Variants in OCIAD1 observed in about 807,000 individuals in gnomAD.
OCIAD1 encodes the protein OCIA domain containing 1.
Under a neutral mutation model 38.9 loss-of-function variants are expected in OCIAD1, and 29 were observed. The ratio of observed to expected loss-of-function variants is 0.74; its 90% confidence interval spans 0.55 to 1.02. OCIAD1 has a LOEUF of 1.02. Ranked by LOEUF, OCIAD1 falls within the 50% of genes least tolerant of loss-of-function variation. The pLI is 0.00. For missense variants in OCIAD1, 288 were observed against 289.6 expected (o/e 0.99, Z 0.04); for synonymous variants, 110 against 92.0 (o/e 1.20, Z -1.12).
At chr4:48,824,814 C>T (rs1342436367) in intron 1 of OCIAD1, among the ~76,000 whole-genome samples, 4 of 152,148 alleles carry the variant, frequency 2.6e-5, no homozygotes, top group Admixed American at 6.5e-5. Context: ...TAGCTTGCTG[C>T]AGCCTTGATC....
intron 3 of OCIAD1, among the ~76,000 whole-genome samples, chr4:48,838,299 CAG>C (rs1307921983): frequency 6.9e-6 from 1 of 144,244 alleles, no homozygotes; most frequent in East Asian, 2.0e-4. Flanking sequence ...GCCTGGGCGA[CAG>C]AGCGAGACTC....
intron 1 of OCIAD1, among the ~76,000 whole-genome samples, chr4:48,814,850 T>G (rs1488675634): frequency 2.0e-5 from 3 of 152,200 alleles, no homozygotes; most frequent in African/African-American, 7.2e-5. Context: ...TATTAATAGA[T>G]TCTTCTTAGG....
intron 7 of OCIAD1, among the ~76,000 whole-genome samples, chr4:48,855,309 T>C (rs1779925222): frequency 1.3e-5 from 2 of 152,132 alleles, no homozygotes; most frequent in Non-Finnish European, 2.9e-5. Context: ...ACATATATGG[T>C]GAAGGGAAAT....
chr4:48,859,253 A>G (rs1780387784), intron 8 of OCIAD1, among the ~76,000 whole-genome samples: 1 of 152,092 alleles, frequency 6.6e-6, no homozygotes, highest in African/African-American at 2.4e-5. Context: ...TGAATTAGGG[A>G]TGTACCATAC....
At chr4:48,843,676 T>A (rs1002542285) in intron 4 of OCIAD1, among the ~76,000 whole-genome samples, 1 of 152,158 alleles carries the variant, frequency 6.6e-6, no homozygotes. Flanking sequence ...GACTAAGCTG[T>A]TTTATAGACT....
chr4:48,812,173 C>T (rs761860050), intron 1 of OCIAD1, among the ~76,000 whole-genome samples: 19 of 147,776 alleles, frequency 1.3e-4, no homozygotes, highest in Non-Finnish European at 2.4e-4. Context: ...TTCCCAGCTA[C>T]TTGGGAGGCT....
intron 8 of OCIAD1, 51 bp downstream of exon 8, chr4:48,857,416 A>G (rs747439173): frequency 8.3e-7 from 1 of 1,200,990 alleles, no homozygotes; most frequent in Non-Finnish European, 1.1e-6. Context: ...GGAAACTAAA[A>G]CATTACTTTA....
At chr4:48,835,079 G>A (rs555849519) in intron 3 of OCIAD1, among the ~76,000 whole-genome samples, 2 of 152,026 alleles carry the variant, frequency 1.3e-5, no homozygotes, top group African/African-American at 2.4e-5. Flanking sequence ...GACTACAGGC[G>A]TGCGCCACCA....
intron 6 of OCIAD1, 34 bp from the exon 7 acceptor site, chr4:48,851,772 A>C: frequency 7.8e-7 from 1 of 1,280,806 alleles, no homozygotes; most frequent in Non-Finnish European, 1.1e-6. Flanking sequence ...GCAATGACTC[A>C]TATTTCTTAC....
chr4:48,843,808 G>T (rs142254708), intron 4 of OCIAD1, among the ~76,000 whole-genome samples: 3 of 152,146 alleles, frequency 2.0e-5, no homozygotes, highest in African/African-American at 4.8e-5. Flanking sequence ...GTTTATTATT[G>T]TTCTGCTTCT....
At chr4:48,834,851 A>G (rs1324144300) in intron 3 of OCIAD1, among the ~76,000 whole-genome samples, 2 of 152,220 alleles carry the variant, frequency 1.3e-5, no homozygotes, top group Non-Finnish European at 2.9e-5. Flanking sequence ...CCTGATATGT[A>G]TGCTTAAAAT....
At chr4:48,814,719 C>G (rs1464536278) in intron 1 of OCIAD1, among the ~76,000 whole-genome samples, 3 of 152,056 alleles carry the variant, frequency 2.0e-5, no homozygotes, top group African/African-American at 7.2e-5. Flanking sequence ...TTCCAAACTC[C>G]TTTCTAGTAC....
chr4:48,832,730 G>A (rs771230903), intron 2 of OCIAD1, 48 bp downstream of exon 2: 1 of 1,422,942 alleles, frequency 7.0e-7, no homozygotes, highest in East Asian at 2.3e-5. Context: ...CCTATGTAAA[G>A]GAATTTTCAC....
At chr4:48,814,239 GT>G (rs530042723) in intron 1 of OCIAD1, among the ~76,000 whole-genome samples, 2,824 of 139,054 alleles carry the variant, frequency 0.02, 55 homozygotes, top group African/African-American at 0.055. Flanking sequence ...CTGTGGAGGG[GT>G]TTTTTTTTTT....
At chr4:48,819,470 C>T (rs764345795) in intron 1 of OCIAD1, among the ~76,000 whole-genome samples, 6 of 152,032 alleles carry the variant, frequency 3.9e-5, no homozygotes, top group Non-Finnish European at 5.9e-5. Flanking sequence ...ACCAATGACA[C>T]TATGAAGAAA....
intron 1 of OCIAD1, among the ~76,000 whole-genome samples, chr4:48,812,945 T>C (rs1344565896): frequency 6.6e-6 from 1 of 152,186 alleles, no homozygotes; most frequent in Non-Finnish European, 1.5e-5. Context: ...AGTAGGTGAA[T>C]ACCTTGAGTA....
rs115616252 is a variant in OCIAD1 at position 48,860,999 on chromosome 4, G to C, written c.*237G>C. 2,145 of 433,640 alleles carry C rather than the reference G, an allele frequency of 4.9e-3. 14 individuals are homozygous for C. Among genetic ancestry groups the C allele is most frequent in the Non-Finnish European group, 6.7e-3 (1,639 of 245,226 alleles). 26.9% of individuals were successfully genotyped at this position (433,640 alleles called of 1,614,324 possible). A position where few individuals can be genotyped will look rare whatever the true frequency, so the allele number is the denominator to read the frequency against. On this transcript the variant is annotated 3_prime_UTR_variant, in exon 9 of 9. Coordinates refer to ENST00000264312, the MANE Select transcript of OCIAD1 (RefSeq NM_017830.4). ...TGAATGATGGTATTATACCATGATT[G>C]TATACAGTTTGTGAAATTGTTGCAA...
At chr4:48,857,666 C>T (rs1323877495) in intron 8 of OCIAD1, among the ~76,000 whole-genome samples, 2 of 151,740 alleles carry the variant, frequency 1.3e-5, no homozygotes, top group Admixed American at 6.6e-5. Context: ...ACTACAGGCC[C>T]CCACGCCCAG....
At chr4:48,822,388 A>G (rs547564537) in intron 1 of OCIAD1, among the ~76,000 whole-genome samples, 25 of 152,254 alleles carry the variant, frequency 1.6e-4, no homozygotes, top group Non-Finnish European at 3.1e-4. Context: ...TTACGTAAAA[A>G]TTAACTCAAG....
Sources: gnomAD v4.1 joint callset for allele counts (sites outside exome capture counted in the v4.1 genomes callset) on GRCh38, gnomAD v4.1.1 for gene constraint, MANE v1.5 for transcripts, NCBI Gene and HGNC (gene_info 2026-07-23, HGNC 2026-07-21) for gene names.